The following DCX variants were observed in gnomAD, a reference collection of about 807,000 sequenced individuals.
DCX encodes doublecortin.
Under a neutral mutation model 20.9 loss-of-function variants are expected in DCX, and 4 were observed. That is an observed-to-expected ratio of 0.19 (90% CI 0.09 to 0.44). The LOEUF (loss-of-function observed/expected upper bound fraction) is 0.44. Ranked by LOEUF, DCX falls within the 20% of genes least tolerant of loss-of-function variation. The probability of loss-of-function intolerance (pLI) is 0.99; values close to 1 mark genes in which losing one functional copy is unlikely to be tolerated. For synonymous variants in DCX, 103 were observed against 111.4 expected (o/e 0.92, Z 0.47); for missense variants, 133 against 296.9 (o/e 0.45, Z 4.06).
At chrX:111,307,596 T>A (rs1298282861) in intron 6 of DCX, among the ~76,000 whole-genome samples, 1 of 111,739 alleles carries the variant, frequency 8.9e-6, no homozygotes, top group Non-Finnish European at 1.9e-5. Flanking sequence ...TTGAGGAAGA[T>A]CTTTAAGGTT....
chrX:111,343,400 T>C (rs1281344651), intron 3 of DCX, among the ~76,000 whole-genome samples: 1 of 85,406 alleles, frequency 1.2e-5, no homozygotes, highest in Non-Finnish European at 2.3e-5. Context: ...ACTGGACCAA[T>C]AACAAGTTCT....
At chrX:111,359,509 C>A (rs1415996294) in intron 3 of DCX, among the ~76,000 whole-genome samples, 3 of 110,822 alleles carry the variant, frequency 2.7e-5, no homozygotes, top group Non-Finnish European at 5.7e-5. Flanking sequence ...AAAACCGAAG[C>A]CATAAAATTA....
intron 3 of DCX, among the ~76,000 whole-genome samples, chrX:111,396,333 C>T (rs1190040538): frequency 1.8e-5 from 2 of 111,840 alleles, no homozygotes; most frequent in Non-Finnish European, 3.8e-5. Context: ...TGAAAATTGG[C>T]CTAACAAAGC....
At chrX:111,381,329 G>T (rs749799705) in intron 3 of DCX, among the ~76,000 whole-genome samples, 16 of 110,060 alleles carry the variant, frequency 1.5e-4, no homozygotes, top group Non-Finnish European at 3.0e-4. Context: ...GGATTAGACA[G>T]GACATAATGT....
intron 3 of DCX, among the ~76,000 whole-genome samples, chrX:111,391,327 C>A (rs771232521): frequency 9.0e-6 from 1 of 111,356 alleles, no homozygotes; most frequent in South Asian, 3.8e-4. Context: ...TTTCCTGAGG[C>A]CTTCCAGTCA....
chrX:111,407,568 G>A (rs1928297655), intron 2 of DCX, among the ~76,000 whole-genome samples: 1 of 111,253 alleles, frequency 9.0e-6, no homozygotes, highest in African/African-American at 3.3e-5. Context: ...ACTGTGCCTT[G>A]TAGTTGTACA....
chrX:111,383,130 C>T lies in DCX; in HGVS notation c.705+17860G>A, dbSNP rs767002754. ...CTCCCAAGCCAGGAACAAATGAAGGCCCTCCTAAGCAAAAATGCCTGATAC... is the reference window on the plus strand; with the variant it reads ...CTCCCAAGCCAGGAACAAATGAAGGTCCTCCTAAGCAAAAATGCCTGATAC... On this transcript the variant is annotated intron_variant, in intron 3 of 6. Coordinates refer to ENST00000636035, the MANE Select transcript of DCX (RefSeq NM_001195553.2). Among the ~76,000 whole-genome samples, 4 of 110,792 alleles carry T rather than the reference C, an allele frequency of 3.6e-5. No homozygotes were observed. The South Asian group carries it at 1.2e-3, about 32-fold the overall frequency.
At position 111,300,879 on chromosome X, in the gene DCX, A is replaced by G. The variant is rs2095032319; in HGVS notation, c.*808T>C. 8.9e-6 allele frequency: 1 copy of G among 112,387 alleles called. No individual in the cohort carries two copies. The highest frequency in any genetic ancestry group is 1.9e-5 in the Non-Finnish European group (1 of 53,318). 9.3% of individuals were successfully genotyped at this position (112,387 alleles called of 1,213,427 possible). On this transcript the variant is annotated 3_prime_UTR_variant, in exon 7 of 7. Transcript: ENST00000636035. Reference sequence around the variant, plus strand: ...TGGATACCATACAGTTCATGTAATCATGTGGTATGTTAGACAGCCTTCTAG... The same window carrying G: ...TGGATACCATACAGTTCATGTAATCGTGTGGTATGTTAGACAGCCTTCTAG...
At chrX:111,403,776 C>T (rs1015078995) in intron 2 of DCX, among the ~76,000 whole-genome samples, 10 of 112,006 alleles carry the variant, frequency 8.9e-5, no homozygotes, top group Non-Finnish European at 1.7e-4. Context: ...CCAGGTGCGA[C>T]GGCTCATGCC....
In DCX at chrX:111,295,099, A is replaced by G. The variant is rs189837985; in HGVS notation, c.*6588T>C. 1 of 112,889 alleles carries G rather than the reference A, an allele frequency of 8.9e-6. No homozygotes were observed. Among genetic ancestry groups the G allele is most frequent in the East Asian group, 2.8e-4 (1 of 3,573 alleles). The allele number at this position is 112,889 out of a possible 1,213,427, so 9.3% of individuals were successfully genotyped here. On this transcript the variant is annotated 3_prime_UTR_variant, in exon 7 of 7. Transcript: ENST00000636035. ...CATTGGCTTCAAGCTGCAATATATT[A>G]CAGGACCATACATTGGAGACATTTT...
chrX:111,407,958 G>C (rs896137688), intron 2 of DCX, among the ~76,000 whole-genome samples: 1 of 111,234 alleles, frequency 9.0e-6, no homozygotes, highest in Admixed American at 9.6e-5. Context: ...ATGTCACTTG[G>C]TTCAGTACTC....
chrX:111,379,139 CTA>C (rs758904909), intron 3 of DCX, among the ~76,000 whole-genome samples: 1 of 112,449 alleles, frequency 8.9e-6, no homozygotes, highest in Non-Finnish European at 1.9e-5. Context: ...TAAGCACACA[CTA>C]TAATTCACGC....
chrX:111,312,507 C>G lies in DCX; in HGVS notation c.1044+132G>C, dbSNP rs10482456. 2,567 of 583,640 alleles carry G rather than the reference C, an allele frequency of 4.4e-3. 38 individuals carry two copies. The African/African-American group carries it at 0.05, about 11-fold the overall frequency. 48.1% of individuals were successfully genotyped at this position (583,640 alleles called of 1,213,427 possible). A position where few individuals can be genotyped will look rare whatever the true frequency, so the allele number is the denominator to read the frequency against. ...CTCCCTGCTTGGATTCGCAGAACTT[C>G]AAGCTAATGAAGCCAGATGAAGAAA... On this transcript the variant is annotated intron_variant, in intron 6 of 6. Transcript: ENST00000636035.
chrX:111,383,258 C>T (rs1427642691), intron 3 of DCX, among the ~76,000 whole-genome samples: 2 of 111,447 alleles, frequency 1.8e-5, no homozygotes, highest in African/African-American at 6.5e-5. Context: ...TAACAGCACC[C>T]CCAGCTATAG....
Position 111,301,621 on chromosome X carries a change from C to T in DCX, c.*66G>A. 1.8e-6 allele frequency: 2 copies of T among 1,084,503 alleles called. No homozygotes were observed. The highest frequency in any genetic ancestry group is 4.4e-5 in the Admixed American group (2 of 45,860). 89.4% of individuals were successfully genotyped at this position (1,084,503 alleles called of 1,213,427 possible). A position where few individuals can be genotyped will look rare whatever the true frequency, so the allele number is the denominator to read the frequency against. On this transcript the variant is annotated 3_prime_UTR_variant, in exon 7 of 7. Transcript: ENST00000636035. ...CCAATAGCCCTGTTGGACACTTGAG[C>T]AGAAGTACCCTACTACAATGATAGG... is the stretch of plus-strand genomic sequence containing the variant.
At chrX:111,391,926 T>A in intron 3 of DCX, among the ~76,000 whole-genome samples, 2 of 111,878 alleles carry the variant, frequency 1.8e-5, no homozygotes, top group Middle Eastern at 9.1e-3. Context: ...CTGTTCCTTT[T>A]TCAAAATAAG....
chrX:111,347,935 T>C (rs755204656), intron 3 of DCX, among the ~76,000 whole-genome samples: 35 of 112,198 alleles, frequency 3.1e-4, no homozygotes, highest in Non-Finnish European at 5.3e-4. Context: ...TCTTCAAATT[T>C]ATTGTTTTCA....
At position 111,368,901 on chromosome X, in the gene DCX, T is replaced by TATATACACACACACACACAC. The variant is rs1467693516; in HGVS notation, c.705+32088_705+32089insGTGTGTGTGTGTGTGTATAT. On this transcript the variant is annotated intron_variant, in intron 3 of 6. Transcript: ENST00000636035. Reference sequence around the variant, plus strand: ...CTAATACGGGATATATATATATACATACACACACACACACACACACACACA... The same window carrying TATATACACACACACACACAC: ...CTAATACGGGATATATATATATACATATATACACACACACACACACACACACACACACACACACACACACA... 3.9e-3 allele frequency among the ~76,000 whole-genome samples: 387 copies of TATATACACACACACACACAC among 98,267 alleles called. 1 individual carries two copies. Among genetic ancestry groups the TATATACACACACACACACAC allele is most frequent in the African/African-American group, 0.014 (367 of 26,503 alleles). 85.3% of individuals were successfully genotyped at this position (98,267 alleles called of 115,157 possible). A position where few individuals can be genotyped will look rare whatever the true frequency, so the allele number is the denominator to read the frequency against.
chrX:111,367,608 G>C (rs944862541), intron 3 of DCX, among the ~76,000 whole-genome samples: 11 of 111,737 alleles, frequency 9.8e-5, no homozygotes, highest in Non-Finnish European at 1.1e-4. Context: ...TCTTTCTATA[G>C]TCCTTCCTTT....
Sources: gnomAD v4.1 joint callset for allele counts (sites outside exome capture counted in the v4.1 genomes callset) on GRCh38, gnomAD v4.1.1 for gene constraint, MANE v1.5 for transcripts, NCBI Gene and HGNC (gene_info 2026-07-23, HGNC 2026-07-21) for gene names.